The following KIF15 variants were observed in gnomAD, a reference collection of about 807,000 sequenced individuals.
KIF15 encodes kinesin family member 15.
A neutral mutation model predicts 190.6 loss-of-function variants in KIF15; 140 were observed. The ratio of observed to expected loss-of-function variants is 0.73; its 90% CI spans 0.64 to 0.84. KIF15 has a LOEUF of 0.84. Ranked by LOEUF, KIF15 falls within the 40% of genes least tolerant of loss-of-function variation. The probability of loss-of-function intolerance (pLI) is 0.00; values close to 1 mark genes in which losing one functional copy is unlikely to be tolerated. For synonymous variants in KIF15, 528 were observed against 551.3 expected (o/e 0.96, Z 0.59); for missense variants, 1,372 against 1,584.4 (o/e 0.87, Z 2.28).
chr3:44,838,882 C>T (rs1698456407), intron 27 of KIF15, among the ~76,000 whole-genome samples: 1 of 152,110 alleles, frequency 6.6e-6, no homozygotes, highest in African/African-American at 2.4e-5. Flanking sequence ...GAGACTTGCT[C>T]AGCTGCCTCC....
chr3:44,866,996 C>T (rs1350500389), intron 6 of KIF15, among the ~76,000 whole-genome samples: 1 of 152,238 alleles, frequency 6.6e-6, no homozygotes, highest in African/African-American at 2.4e-5. Flanking sequence ...CAGGACAAAG[C>T]TGTAATTCAC....
At chr3:44,769,616 C>T (rs554115381) in intron 1 of KIF15, among the ~76,000 whole-genome samples, 3 of 152,278 alleles carry the variant, frequency 2.0e-5, no homozygotes, top group South Asian at 2.1e-4. Flanking sequence ...TAGTCATGCT[C>T]ACCTGTGCTG....
intron 20 of KIF15, among the ~76,000 whole-genome samples, chr3:44,817,454 C>T (rs921106540): frequency 3.9e-5 from 6 of 152,208 alleles, no homozygotes; most frequent in African/African-American, 1.4e-4. Flanking sequence ...CAGCTTTCTA[C>T]ATATGGCTAG....
At chr3:44,830,874 A>G (rs910784486) in intron 25 of KIF15, 22 bp from the exon 26 acceptor site, 3 of 1,605,580 alleles carry the variant, frequency 1.9e-6, no homozygotes, top group Admixed American at 1.7e-5. Context: ...TGGCTCTTAT[A>G]GCATGACTTT....
intron 26 of KIF15, among the ~76,000 whole-genome samples, chr3:44,837,023 C>G (rs1698354977): frequency 6.6e-6 from 1 of 152,090 alleles, no homozygotes; most frequent in Admixed American, 6.5e-5. Context: ...GTCTGGGATG[C>G]CTGTTGGTTG....
At chr3:44,864,138 G>A (rs2125740040) in intron 6 of KIF15, 1 of 1,607,140 alleles carries the variant, frequency 6.2e-7, no homozygotes, top group South Asian at 1.1e-5. Context: ...TGTGCTTTGA[G>A]GGGGTCTGCA....
chr3:44,850,883 A>C (rs1398837765), intron 32 of KIF15, among the ~76,000 whole-genome samples: 2 of 152,218 alleles, frequency 1.3e-5, no homozygotes, highest in East Asian at 3.8e-4. Flanking sequence ...TCATTTCAGT[A>C]ATCAACAGCT....
At chr3:44,786,077 G>A (rs957825714) in intron 6 of KIF15, among the ~76,000 whole-genome samples, 20 of 152,220 alleles carry the variant, frequency 1.3e-4, no homozygotes, top group Admixed American at 3.3e-4. Context: ...TTAGCCGGGC[G>A]TGGTGGCGGG....
chr3:44,861,987 C>T, intron 6 of KIF15: 1 of 1,382,544 alleles, frequency 7.2e-7, no homozygotes, highest in Non-Finnish European at 9.4e-7. Flanking sequence ...CTGACACCCC[C>T]GCGGAATTCC....
At chr3:44,863,454 C>G (rs991857745) in intron 6 of KIF15, 3 of 152,122 alleles carry the variant, frequency 2.0e-5, no homozygotes, top group Non-Finnish European at 4.4e-5. Flanking sequence ...CCTGCAAGTT[C>G]TCCAAGGGAT....
At chr3:44,835,073 G>A (rs1043686932) in intron 26 of KIF15, among the ~76,000 whole-genome samples, 8 of 151,222 alleles carry the variant, frequency 5.3e-5, no homozygotes, top group African/African-American at 1.5e-4. Context: ...AAATAATATA[G>A]CGTATCAAAA....
At position 44,843,815 on chromosome 3, in the gene KIF15, C is replaced by T. The variant is rs376222401; in HGVS notation, c.3695+581C>T. On this transcript the variant is annotated intron_variant, in intron 30 of 34. Coordinates refer to ENST00000326047, the MANE Select transcript of KIF15 (RefSeq NM_020242.3). ...GACTTAAAAGTCATACGATTTTCAA[C>T]ATATTTTTTACCCTTTTAGTACTTC... Among the ~76,000 whole-genome samples the T allele has an allele frequency of 2.7e-4, 41 of 152,320 alleles. No homozygotes were observed. The East Asian group carries it at 7.7e-3, about 29-fold the overall frequency.
chr3:44,788,003 C>T (rs192530795), intron 7 of KIF15, among the ~76,000 whole-genome samples: 1 of 152,240 alleles, frequency 6.6e-6, no homozygotes, highest in East Asian at 1.9e-4. Flanking sequence ...TACAGGCGCG[C>T]ACTGCCATGC....
intron 1 of KIF15, among the ~76,000 whole-genome samples, chr3:44,770,259 T>C (rs1705584610): frequency 6.6e-6 from 1 of 152,206 alleles, no homozygotes; most frequent in African/African-American, 2.4e-5. Context: ...ACTTTGGTCT[T>C]ATACTTGGCT....
intron 26 of KIF15, among the ~76,000 whole-genome samples, chr3:44,837,534 G>T (rs1698379985): frequency 6.6e-6 from 1 of 151,914 alleles, no homozygotes; most frequent in African/African-American, 2.4e-5. Flanking sequence ...TTTTAAAAGT[G>T]TGTGTTTATA....
chr3:44,811,670 C>A (rs959345550), intron 17 of KIF15, among the ~76,000 whole-genome samples: 1 of 152,058 alleles, frequency 6.6e-6, no homozygotes, highest in African/African-American at 2.4e-5. Flanking sequence ...TTAAAAGAAT[C>A]TTATTATAGA....
chr3:44,867,474 T>C (rs1575704379), intron 6 of KIF15, among the ~76,000 whole-genome samples: 7 of 152,328 alleles, frequency 4.6e-5, no homozygotes, highest in Admixed American at 6.5e-5. Flanking sequence ...AGGCTGCTGA[T>C]AGCTGGTGGT....
chr3:44,800,093 G>A (rs577878989), intron 10 of KIF15, among the ~76,000 whole-genome samples: 1 of 152,264 alleles, frequency 6.6e-6, no homozygotes, highest in African/African-American at 2.4e-5. Flanking sequence ...CAGAGAGCCT[G>A]GCTGGGGCTG....
chr3:44,786,559 T>C lies in KIF15; in HGVS notation c.624T>C (p.Ala208=). The stretch of plus-strand genomic sequence containing the variant: ...CGGTGGAGCAGGTGGTAACCTCAGC[T>C]GCTGAAGCCTATCAGGTACCCTGCC... The part of the protein sequence containing the change: ...VGAVEQVVTS[A]AEAYQVLSGG... Residue 208 remains alanine, a synonymous_variant, in exon 7 of 35, where the codon GCT becomes GCC. Transcript: ENST00000326047. 6.2e-7 allele frequency: 1 copy of C among 1,611,666 alleles called. No homozygotes were observed. Among genetic ancestry groups the C allele is most frequent in the Non-Finnish European group, 8.5e-7 (1 of 1,178,278 alleles).
Sources: allele counts gnomAD v4.1 joint callset (sites outside exome capture counted in the v4.1 genomes callset), GRCh38; gene constraint gnomAD v4.1.1; transcripts MANE v1.5; gene names NCBI Gene and HGNC (gene_info 2026-07-23, HGNC 2026-07-21).